SIPA1L1: variants seen among roughly 807,000 people sequenced by gnomAD.
SIPA1L1 encodes the protein signal-induced proliferation-associated 1-like protein 1.
In SIPA1L1, 26 loss-of-function variants were observed where a neutral mutation model predicts 162.7. That is an observed-to-expected ratio of 0.16 (90% CI 0.12 to 0.22). The LOEUF (loss-of-function observed/expected upper bound fraction) is 0.22, where lower values mean the gene tolerates loss of function less well. Among genes scored for constraint, SIPA1L1 ranks in the 10% least tolerant of loss-of-function variants. SIPA1L1 has a pLI of 1.00. For missense variants in SIPA1L1, 1,874 were observed against 2,241.0 expected (o/e 0.84, Z 3.31); for synonymous variants, 829 against 837.4 (o/e 0.99, Z 0.17).
chr14:71,563,330 T>C (rs1349480261), intron 4 of SIPA1L1, among the ~76,000 whole-genome samples: 1 of 152,136 alleles, frequency 6.6e-6, no homozygotes, highest in East Asian at 1.9e-4. Flanking sequence ...TTAACACGAT[T>C]TTGTTAAATA....
intron 3 of SIPA1L1, 113 bp from the exon 4 acceptor site, chr14:71,529,199 G>C: frequency 2.4e-6 from 1 of 414,872 alleles, no homozygotes; most frequent in Non-Finnish European, 4.3e-6. Flanking sequence ...CCTTAGAAAG[G>C]CTGGTTTGCC....
chr14:71,627,597 A>G (rs989727745), intron 7 of SIPA1L1, among the ~76,000 whole-genome samples: 1 of 152,202 alleles, frequency 6.6e-6, no homozygotes, highest in Non-Finnish European at 1.5e-5. Flanking sequence ...ATCTTCACTT[A>G]CAGTACAGTT....
At chr14:71,738,684 G>A (rs138244016) in intron 23 of SIPA1L1, among the ~76,000 whole-genome samples, 1,753 of 152,100 alleles carry the variant, frequency 0.012, 19 homozygotes, top group Non-Finnish European at 0.016. Context: ...TGTTTTTTGG[G>A]TGGCCTTGAC....
chr14:71,687,006 A>T (rs2080918870), intron 13 of SIPA1L1, among the ~76,000 whole-genome samples: 1 of 152,100 alleles, frequency 6.6e-6, no homozygotes, highest in Non-Finnish European at 1.5e-5. Flanking sequence ...TAGAAACCAC[A>T]CTATGAAGTC....
chr14:71,412,264 C>T (rs1241261092), intron 2 of SIPA1L1, among the ~76,000 whole-genome samples: 1 of 152,232 alleles, frequency 6.6e-6, no homozygotes, highest in African/African-American at 2.4e-5. Flanking sequence ...TGCAGCCCAA[C>T]ACAAACTTGT....
At chr14:71,724,857 A>G in intron 19 of SIPA1L1, 22 bp downstream of exon 19, 1 of 1,603,228 alleles carries the variant, frequency 6.2e-7, no homozygotes, top group South Asian at 1.1e-5. Flanking sequence ...AGCTCAGGGT[A>G]GATGGCAATT....
intron 2 of SIPA1L1, among the ~76,000 whole-genome samples, chr14:71,434,372 T>G (rs936472488): frequency 6.6e-6 from 1 of 152,238 alleles, no homozygotes; most frequent in Non-Finnish European, 1.5e-5. Flanking sequence ...ATGAAGTAAG[T>G]TTAATCACAA....
chr14:71,379,256 A>G (rs2039677036), intron 2 of SIPA1L1, among the ~76,000 whole-genome samples: 1 of 149,954 alleles, frequency 6.7e-6, no homozygotes, highest in African/African-American at 2.4e-5. Context: ...GAATGGAGGT[A>G]AGTGTCATCC....
rs577919824 is a variant in SIPA1L1, at chr14:71,357,712, C to A, written c.-465+36531C>A. ...AAGTAGTTGGTACTGTAGGCATGAG[C>A]CATCAATGCCGGCTAATTTTTGTTG... On this transcript the variant is annotated intron_variant, in intron 2 of 23. Coordinates refer to ENST00000381232, the MANE Select transcript of SIPA1L1 (RefSeq NM_001386936.1). Among the ~76,000 whole-genome samples the A allele has an allele frequency of 5.4e-4, 82 of 152,246 alleles. 3 individuals are homozygous for A. The South Asian group carries it at 0.017, about 31-fold the overall frequency.
intron 5 of SIPA1L1, among the ~76,000 whole-genome samples, chr14:71,613,513 G>A (rs921669321): frequency 6.6e-6 from 1 of 152,078 alleles, no homozygotes; most frequent in Non-Finnish European, 1.5e-5. Context: ...ATTTCTGGTG[G>A]TTTAATACCT....
At chr14:71,478,420 T>G (rs756687796) in intron 2 of SIPA1L1, among the ~76,000 whole-genome samples, 2 of 152,148 alleles carry the variant, frequency 1.3e-5, no homozygotes, top group Admixed American at 6.5e-5. Flanking sequence ...GTGGGGGTGA[T>G]TTCCAAGAAC....
intron 5 of SIPA1L1, among the ~76,000 whole-genome samples, chr14:71,591,198 T>C (rs1280017202): frequency 6.6e-6 from 1 of 152,200 alleles, no homozygotes. Context: ...ACTTACTGTG[T>C]ACCAGGCACT....
At chr14:71,708,621 G>A (rs2082654172) in intron 16 of SIPA1L1, among the ~76,000 whole-genome samples, 1 of 152,060 alleles carries the variant, frequency 6.6e-6, no homozygotes, top group African/African-American at 2.4e-5. Flanking sequence ...CACTGCCCCA[G>A]TTCCAACTTT....
intron 6 of SIPA1L1, 113 bp downstream of exon 6, chr14:71,619,000 G>A (rs2039121704): frequency 9.1e-7 from 1 of 1,097,534 alleles, no homozygotes; most frequent in Non-Finnish European, 1.3e-6. Flanking sequence ...TGTCTTTGGA[G>A]TAAGCAAAGT....
chr14:71,501,155 A>G lies in SIPA1L1; in HGVS notation c.-464-11588A>G, dbSNP rs146219872. 4.3e-3 allele frequency among the ~76,000 whole-genome samples: 649 copies of G among 152,110 alleles called. 3 individuals are homozygous for G. Among genetic ancestry groups the G allele is most frequent in the Non-Finnish European group, 7.5e-3 (510 of 67,972 alleles). ...GGGAACATAGTTAGACGTCATCTCT[A>G]TAAAAAATTTTAAAAATTAGCTGGG... On this transcript the variant is annotated intron_variant, in intron 2 of 23. Coordinates refer to ENST00000381232, the MANE Select transcript of SIPA1L1 (RefSeq NM_001386936.1).
At chr14:71,728,383 A>G (rs919545461) in intron 19 of SIPA1L1, among the ~76,000 whole-genome samples, 1 of 152,212 alleles carries the variant, frequency 6.6e-6, no homozygotes, top group Non-Finnish European at 1.5e-5. Flanking sequence ...TATCACAGCA[A>G]TTTAGTTTCT....
chr14:71,411,103 G>A (rs2042371440), intron 2 of SIPA1L1, among the ~76,000 whole-genome samples: 1 of 151,966 alleles, frequency 6.6e-6, no homozygotes, highest in East Asian at 1.9e-4. Flanking sequence ...CCACACATCA[G>A]ACTTTTCTTT....
chr14:71,383,173 T>C (rs2040042934), intron 2 of SIPA1L1, among the ~76,000 whole-genome samples: 1 of 152,250 alleles, frequency 6.6e-6, no homozygotes, highest in Non-Finnish European at 1.5e-5. Context: ...AGTGTTCTTA[T>C]CATTTCCTCA....
At chr14:71,482,571 A>G (rs1055731616) in intron 2 of SIPA1L1, among the ~76,000 whole-genome samples, 1 of 152,174 alleles carries the variant, frequency 6.6e-6, no homozygotes, top group African/African-American at 2.4e-5. Flanking sequence ...GTGTGTGGAA[A>G]CGCGCCTCAT....
Sources: allele counts gnomAD v4.1 joint callset (sites outside exome capture counted in the v4.1 genomes callset), GRCh38; gene constraint gnomAD v4.1.1; transcripts MANE v1.5; gene names NCBI Gene and HGNC (gene_info 2026-07-23, HGNC 2026-07-21).